C14orf93: variants seen among roughly 807,000 people sequenced by gnomAD.
C14orf93 encodes chromosome 14 open reading frame 93.
A neutral mutation model predicts 44.0 loss-of-function variants in C14orf93; 23 were observed. That is an observed-to-expected ratio of 0.52 (90% CI 0.38 to 0.74). The LOEUF (loss-of-function observed/expected upper bound fraction) is 0.74, where lower values mean the gene tolerates loss of function less well. Among genes scored for constraint, C14orf93 ranks in the 30% least tolerant of loss-of-function variants. The probability of loss-of-function intolerance (pLI) is 0.00; values close to 1 mark genes in which losing one functional copy is unlikely to be tolerated. For missense variants in C14orf93, 579 were observed against 678.9 expected (o/e 0.85, Z 1.64); for synonymous variants, 253 against 265.7 (o/e 0.95, Z 0.46).
intron 3 of C14orf93, among the ~76,000 whole-genome samples, chr14:22,995,274 TGCCC>T (rs1414426865): frequency 6.6e-6 from 1 of 152,230 alleles, no homozygotes; most frequent in Non-Finnish European, 1.5e-5. Flanking sequence ...CCACCCAAGG[TGCCC>T]CTTGTCACTT....
At chr14:23,009,529 G>A (rs2046781520) in intron 1 of C14orf93, among the ~76,000 whole-genome samples, 1 of 152,142 alleles carries the variant, frequency 6.6e-6, no homozygotes, top group Non-Finnish European at 1.5e-5. Flanking sequence ...GTGTGTGAAA[G>A]ACACACTGTA....
chr14:23,009,209 T>C (rs2046770661), intron 1 of C14orf93, among the ~76,000 whole-genome samples: 1 of 152,214 alleles, frequency 6.6e-6, no homozygotes, highest in Admixed American at 6.6e-5. Flanking sequence ...ATTCTGATCC[T>C]TTAGGAGCAG....
chr14:22,990,223 G>T, intron 3 of C14orf93, 96 bp from the exon 4 acceptor site: 1 of 1,026,096 alleles, frequency 9.7e-7, no homozygotes, highest in Non-Finnish European at 1.5e-6. Flanking sequence ...TCCCTAAGGG[G>T]CTCTCTGCCT....
At chr14:23,007,896 TA>T (rs1046552794) in intron 1 of C14orf93, among the ~76,000 whole-genome samples, 4 of 152,096 alleles carry the variant, frequency 2.6e-5, no homozygotes, top group African/African-American at 4.8e-5. Flanking sequence ...CTCACGCCTG[TA>T]ATCCCAGCAC....
chr14:23,009,315 T>C (rs1045846107), intron 1 of C14orf93, among the ~76,000 whole-genome samples: 14 of 152,182 alleles, frequency 9.2e-5, no homozygotes, highest in African/African-American at 3.4e-4. Flanking sequence ...TTGATCACAT[T>C]TGGGAAGACA....
intron 3 of C14orf93, among the ~76,000 whole-genome samples, chr14:22,995,679 C>CAAAAAA (rs58710730): frequency 4.7e-4 from 21 of 44,982 alleles, no homozygotes; most frequent in Middle Eastern, 0.022. Flanking sequence ...GACTCTGACT[C>CAAAAAA]AAAAAAAAAA....
At chr14:22,995,655 G>A (rs370136586) in intron 3 of C14orf93, among the ~76,000 whole-genome samples, 3 of 145,902 alleles carry the variant, frequency 2.1e-5, no homozygotes, top group Admixed American at 6.9e-5. Flanking sequence ...ACTGCAGCCT[G>A]GGTGACAGAG....
chr14:22,990,533 G>A (rs1328252291), intron 3 of C14orf93, among the ~76,000 whole-genome samples: 2 of 151,160 alleles, frequency 1.3e-5, no homozygotes, highest in East Asian at 1.9e-4. Context: ...GCAGTGGCGC[G>A]ATCTCGGCTC....
intron 5 of C14orf93, 91 bp from the exon 6 acceptor site, chr14:22,988,106 A>G (rs2045350440): frequency 2.7e-6 from 2 of 727,922 alleles, no homozygotes; most frequent in African/African-American, 1.8e-5. Context: ...ATTGAATGGG[A>G]GGTTGGCGAT....
At position 22,987,133 on chromosome 14, in the gene C14orf93, C is replaced by T; in HGVS notation, c.*82G>A. On this transcript the variant is annotated 3_prime_UTR_variant, in exon 7 of 7. Transcript: ENST00000299088. This position sits in a 1 kb window ranked among gnomAD's most constrained non-coding sequence, Gnocchi z 5.6. ...CTTTCTCAGACTGCACAGAGCATCT[C>T]ATTATTTTGTGAAGCCCCATGGCCA... The T allele has an allele frequency of 7.1e-7, 1 of 1,402,668 alleles. No individual in the cohort carries two copies. The highest frequency in any genetic ancestry group is 9.6e-7 in the Non-Finnish European group (1 of 1,040,504). The allele number at this position is 1,402,668 out of a possible 1,614,324, so 86.9% of individuals were successfully genotyped here. A position where few individuals can be genotyped will look rare whatever the true frequency, so the allele number is the denominator to read the frequency against.
chr14:22,996,259 C>T lies in C14orf93; in HGVS notation c.607G>A (p.Asp203Asn). The change falls in exon 3 of 7, where the codon GAT (aspartate) becomes AAT (asparagine). Residue 203 changes from aspartate (D) to asparagine (N), a missense_variant. Physicochemically the swap from Asp to Asn is conservative, Grantham distance 23. Transcript: ENST00000299088. The surrounding 1 kb of genome is among the most constrained non-coding windows in gnomAD (Gnocchi z 4.1). ...ACTGCACCCTCAGAGGCCACGTAAT[C>T]ATCCACCAGCTAAGAACATAAAAAA... ...AAPLLNPLVD[D>N]YVASEGAVQR... 1 of 1,549,678 alleles carries T rather than the reference C, an allele frequency of 6.5e-7. No homozygotes were observed. Among genetic ancestry groups the T allele is most frequent in the Non-Finnish European group, 8.7e-7 (1 of 1,143,362 alleles).
At chr14:22,997,950 G>A (rs1011638516) in intron 2 of C14orf93, among the ~76,000 whole-genome samples, 3 of 151,104 alleles carry the variant, frequency 2.0e-5, no homozygotes, top group Non-Finnish European at 2.9e-5. Context: ...CCCTATACTT[G>A]TCTTCTATTA....
At chr14:23,000,427 G>A (rs1044694621) in intron 1 of C14orf93, among the ~76,000 whole-genome samples, 24 of 152,042 alleles carry the variant, frequency 1.6e-4, no homozygotes, top group African/African-American at 5.6e-4. Context: ...ATTAAAAGGA[G>A]AGGAGGAGCC....
Position 22,998,941 on chromosome 14 carries a change from G to A in C14orf93, c.83C>T (p.Thr28Ile). The A allele has an allele frequency of 8.1e-6, 13 of 1,614,052 alleles. No individual in the cohort carries two copies. The highest frequency in any genetic ancestry group is 1.1e-5 in the Non-Finnish European group (13 of 1,180,036). ...CTGGGAGCCTGTGTTGCCTCCATTA[G>A]TCTCACTCTTACAGGCGCAGCAGCA... ...RCCCCACKSE[T>I]NGGNTGSQGG... Residue 28 changes from threonine to isoleucine, a missense_variant, in exon 2 of 7, where the codon ACT becomes ATT. Transcript: ENST00000299088.
At chr14:22,989,605 C>A in intron 5 of C14orf93, 137 bp downstream of exon 5, 1 of 644,274 alleles carries the variant, frequency 1.6e-6, no homozygotes, top group South Asian at 2.0e-5. Context: ...GTGAGAATAG[C>A]CAAAAAATGT....
At position 22,995,928 on chromosome 14, in the gene C14orf93, T is replaced by C. The variant is rs774511949; in HGVS notation, c.918+20A>G. The C allele has an allele frequency of 3.3e-5, 50 of 1,537,490 alleles. No individual in the cohort carries two copies. The highest frequency in any genetic ancestry group is 4.3e-5 in the Non-Finnish European group (49 of 1,141,392). ...TCTCTCCAGACTGAAGAAAAATTTA[T>C]AGAAACTGAGCTCACTCACAGAGAG... On this transcript the variant is annotated intron_variant, in intron 3 of 6. Transcript: ENST00000299088.
intron 3 of C14orf93, among the ~76,000 whole-genome samples, chr14:22,995,015 C>T (rs754615691): frequency 6.6e-6 from 1 of 152,198 alleles, no homozygotes; most frequent in Non-Finnish European, 1.5e-5. Flanking sequence ...AGGTTGAGAA[C>T]TACTGCCCTA....
At position 22,996,117 on chromosome 14, in the gene C14orf93, C is replaced by T. The variant is rs201600502; in HGVS notation, c.749G>A (p.Arg250His). The stretch of plus-strand genomic sequence containing the variant: ...AGCGGCATTGAGCATGTCCTCAGGG[C>T]GGGGTGGTGGCAGCTTGGTTCCATT... ...PENGTKLPPPRPEDMLNAAAA... is the reference protein window; with the variant it reads ...PENGTKLPPPHPEDMLNAAAA... The change falls in exon 3 of 7, where the codon CGC becomes CAC. Residue 250 changes from arginine (R) to histidine (H), a missense_variant. Transcript: ENST00000299088. This position sits in a 1 kb window ranked among gnomAD's most constrained non-coding sequence, Gnocchi z 4.1. 3.1e-5 allele frequency: 50 copies of T among 1,613,818 alleles called. No homozygotes were observed. Among genetic ancestry groups the T allele is most frequent in the East Asian group, 4.5e-5 (2 of 44,858 alleles).
Position 22,987,971 on chromosome 14 carries a change from T to G in C14orf93, c.1129A>C (p.Asn377His). 6.2e-7 allele frequency: 1 copy of G among 1,613,878 alleles called. No individual in the cohort carries two copies. Among genetic ancestry groups the G allele is most frequent in the Non-Finnish European group, 8.5e-7 (1 of 1,179,884 alleles). The change falls in exon 6 of 7, where the codon AAC becomes CAC. Residue 377 changes from asparagine (N) to histidine (H), a missense_variant. Asn to His is a moderately conservative substitution (Grantham distance 68). Coordinates refer to ENST00000299088, the MANE Select transcript of C14orf93 (RefSeq NM_021944.4). The surrounding 1 kb of genome is among the most constrained non-coding windows in gnomAD (Gnocchi z 5.6). ...YFLTKRREYR[N>H]SLNPFKGLKE... is the part of the protein sequence containing the mutation. ...AGGCCTTTAAAGGGGTTCAGGGAGT[T>G]GCGGTACTCACGCCTCTTAGTAAGG...
Sources: allele counts gnomAD v4.1 joint callset (sites outside exome capture counted in the v4.1 genomes callset), GRCh38; gene constraint gnomAD v4.1.1; non-coding constraint Gnocchi (gnomAD v3.1); transcripts MANE v1.5; gene names NCBI Gene and HGNC (gene_info 2026-07-23, HGNC 2026-07-21).